GALNT9: variants seen among roughly 807,000 people sequenced by gnomAD.
The protein encoded by GALNT9 is polypeptide N-acetylgalactosaminyltransferase 9.
In GALNT9, 47 loss-of-function variants were observed where a neutral mutation model predicts 63.1. The observed-to-expected ratio is 0.75, with a 90% confidence interval of 0.59 to 0.95. The LOEUF is 0.95. Ranked by LOEUF, GALNT9 falls within the 40% of genes least tolerant of loss-of-function variation. The probability of loss-of-function intolerance (pLI) is 0.00; values close to 1 mark genes in which losing one functional copy is unlikely to be tolerated. For missense variants in GALNT9, 829 were observed against 874.8 expected, an observed-to-expected ratio of 0.95 and a Z score of 0.66; for synonymous variants, 396 against 365.7, an observed-to-expected ratio of 1.08 and a Z score of -0.94.
intron 5 of GALNT9, among the ~76,000 whole-genome samples, chr12:132,254,357 G>C (rs1879036766): frequency 6.6e-6 from 1 of 152,218 alleles, no homozygotes; most frequent in Admixed American, 6.5e-5. Flanking sequence ...AAATTTTCAA[G>C]TGTATGCAAA....
intron 6 of GALNT9, among the ~76,000 whole-genome samples, chr12:132,244,170 G>GCT (rs1313937858): frequency 1.4e-5 from 2 of 144,476 alleles, no homozygotes; most frequent in African/African-American, 5.2e-5. Context: ...GCCTCCACGG[G>GCT]CCAAGAGCAC....
chr12:132,203,461 G>A (rs372618312), intron 7 of GALNT9, 44 bp downstream of exon 7: 32 of 1,601,762 alleles, frequency 2.0e-5, no homozygotes, highest in African/African-American at 1.7e-4. Context: ...CATTGACCCC[G>A]ACCCTGGGGC....
rs1252833130 is a variant in GALNT9, at chr12:132,257,795, G to C, written c.853C>G (p.Gln285Glu). The C allele has an allele frequency of 6.5e-7, 1 of 1,550,322 alleles. No homozygotes were observed. The highest frequency in any genetic ancestry group is 8.7e-7 in the Non-Finnish European group (1 of 1,146,854). Reference sequence around the variant, plus strand: ...CCATGGGCGGCGTTCGCATACTGCTGCACCTCAAACGTGCTGTACTTGATG... The same window carrying C: ...CCATGGGCGGCGTTCGCATACTGCTCCACCTCAAACGTGCTGTACTTGATG... ...DNIKYSTFEVQQYANAAHGYN... is the reference protein window; with the variant it reads ...DNIKYSTFEVEQYANAAHGYN... The change falls in exon 5 of 11, where the codon CAG becomes GAG. Residue 285 changes from glutamine (Q) to glutamate (E), a missense_variant. By Grantham distance (29) the Gln-to-Glu change is conservative. Coordinates refer to ENST00000328957, the MANE Select transcript of GALNT9 (RefSeq NM_001122636.2).
At position 132,199,085 on chromosome 12, in the gene GALNT9, G is replaced by A. The variant is rs73166824; in HGVS notation, c.1497+89C>T. 1,037 of 831,978 alleles carry A rather than the reference G, an allele frequency of 1.2e-3. 6 individuals are homozygous for A. In the African/African-American group the frequency reaches 0.014, roughly 12 times the overall value. 51.5% of individuals were successfully genotyped at this position (831,978 alleles called of 1,614,324 possible). A position where few individuals can be genotyped will look rare whatever the true frequency, so the allele number is the denominator to read the frequency against. Reference sequence around the variant, plus strand: ...TGGCCTCAGAACACCCCAGCAGGCTGGACCCGTGCCTCTGCCCCAGGGTGT... The same window carrying A: ...TGGCCTCAGAACACCCCAGCAGGCTAGACCCGTGCCTCTGCCCCAGGGTGT... On this transcript the variant is annotated intron_variant, in intron 9 of 10. Transcript: ENST00000328957.
intron 1 of GALNT9, among the ~76,000 whole-genome samples, chr12:132,312,778 C>T (rs1555245294): frequency 6.6e-6 from 1 of 152,182 alleles, no homozygotes; most frequent in East Asian, 1.9e-4. Flanking sequence ...GGAGAGCCTG[C>T]CCTGAACCCC....
chr12:132,211,390 T>G (rs148143070), intron 6 of GALNT9, among the ~76,000 whole-genome samples: 16 of 152,314 alleles, frequency 1.1e-4, no homozygotes, highest in African/African-American at 3.6e-4. Flanking sequence ...CTAGTTATAA[T>G]GATTTAAAGT....
chr12:132,241,527 ACC>A (rs1878353166), intron 6 of GALNT9, among the ~76,000 whole-genome samples: 2 of 59,930 alleles, frequency 3.3e-5, no homozygotes, highest in Admixed American at 1.5e-4. Context: ...CACACGCCAC[ACC>A]CCCTTCCCGG....
intron 4 of GALNT9, among the ~76,000 whole-genome samples, chr12:132,259,036 C>G (rs1220667912): frequency 1.3e-5 from 2 of 152,218 alleles, no homozygotes; most frequent in African/African-American, 2.4e-5. Flanking sequence ...TTCTTCCCGT[C>G]CTTCTGAGCA....
intron 1 of GALNT9, among the ~76,000 whole-genome samples, chr12:132,304,493 A>G (rs1278528558): frequency 8.5e-5 from 5 of 58,906 alleles, no homozygotes; most frequent in Admixed American, 1.9e-4. Flanking sequence ...ACCCAGACAC[A>G]CCCTTGCCCG....
rs1381143284 is a variant in GALNT9, at chr12:132,291,048, G to A, written c.239-4618C>T. Among the ~76,000 whole-genome samples, 21 of 39,708 alleles carry A rather than the reference G, an allele frequency of 5.3e-4. 1 individual carries two copies. Among genetic ancestry groups the A allele is most frequent in the South Asian group, 2.5e-3 (2 of 792 alleles). 26.0% of individuals were successfully genotyped at this position (39,708 alleles called of 152,430 possible). A position where few individuals can be genotyped will look rare whatever the true frequency, so the allele number is the denominator to read the frequency against. On this transcript the variant is annotated intron_variant, in intron 1 of 10. Transcript: ENST00000328957. ...CATCCACAGCGCCCACGTCCACAGC[G>A]CCCACATCCTCAGCACCCACAACCA... is the stretch of plus-strand genomic sequence containing the variant.
chr12:132,215,537 G>A (rs934062719), intron 6 of GALNT9, among the ~76,000 whole-genome samples: 17 of 152,236 alleles, frequency 1.1e-4, no homozygotes, highest in African/African-American at 3.6e-4. Context: ...AGGGCTTGGC[G>A]AGTGCGGGGA....
rs1868540488 is a variant in GALNT9 at position 132,316,969 on chromosome 12, CGG to C, written c.238+11995_238+11996del. ...AGCACAGCCTGCACCCTACACCCCA[CGG>C]AGCATGGTCCTATTCTACACCCACA... On this transcript the variant is annotated intron_variant, in intron 1 of 10. Transcript: ENST00000328957. The surrounding 1 kb of genome is among the most constrained non-coding windows in gnomAD (Gnocchi z 4.3). 1.0e-5 allele frequency among the ~76,000 whole-genome samples: 1 copy of C among 99,986 alleles called. No homozygotes were observed. The highest frequency in any genetic ancestry group is 6.0e-3 in the Middle Eastern group (1 of 168). 65.6% of individuals were successfully genotyped at this position (99,986 alleles called of 152,430 possible).
chr12:132,284,851 A>G (rs1880527704), intron 2 of GALNT9, among the ~76,000 whole-genome samples: 1 of 152,310 alleles, frequency 6.6e-6, no homozygotes, highest in Non-Finnish European at 1.5e-5. Context: ...TTCCTGCACC[A>G]ACCTCCACGC....
intron 1 of GALNT9, among the ~76,000 whole-genome samples, chr12:132,299,333 C>A (rs1224801989): frequency 7.1e-6 from 1 of 141,056 alleles, no homozygotes; most frequent in East Asian, 2.3e-4. Context: ...GATAACCAAG[C>A]CACTGCTGAG....
At chr12:132,306,986 G>T (rs1881640663) in intron 1 of GALNT9, among the ~76,000 whole-genome samples, 1 of 152,128 alleles carries the variant, frequency 6.6e-6, no homozygotes, top group South Asian at 2.1e-4. Flanking sequence ...TGATTTCCAT[G>T]GGGGCTGACT....
intron 1 of GALNT9, among the ~76,000 whole-genome samples, chr12:132,287,253 G>A (rs1880637069): frequency 6.6e-6 from 1 of 152,238 alleles, no homozygotes; most frequent in Non-Finnish European, 1.5e-5. Flanking sequence ...CCCAGGCGCT[G>A]TGCCTGCGGG....
chr12:132,254,058 G>A (rs28659773), intron 5 of GALNT9, among the ~76,000 whole-genome samples: 19,169 of 148,220 alleles, frequency 0.13, 1,343 homozygotes, highest in Middle Eastern at 0.25. Context: ...TTTCGCTCTC[G>A]TTGCCCAGGC....
intron 9 of GALNT9, among the ~76,000 whole-genome samples, chr12:132,198,262 G>A (rs376616256): frequency 3.3e-5 from 5 of 152,368 alleles, no homozygotes; most frequent in African/African-American, 7.2e-5. Flanking sequence ...GGCCCCACTC[G>A]TTTCGGGGAG....
At chr12:132,288,969 G>A (rs782402397) in intron 1 of GALNT9, among the ~76,000 whole-genome samples, 3 of 152,346 alleles carry the variant, frequency 2.0e-5, no homozygotes, top group South Asian at 2.1e-4. Flanking sequence ...AATGCCCGGC[G>A]TTCTGAGGTC....
Sources: gnomAD v4.1 joint callset for allele counts (sites outside exome capture counted in the v4.1 genomes callset) on GRCh38, gnomAD v4.1.1 for gene constraint, Gnocchi (gnomAD v3.1) non-coding constraint, MANE v1.5 for transcripts, NCBI Gene and HGNC (gene_info 2026-07-23, HGNC 2026-07-21) for gene names.